Variants in WNT4 observed in about 807,000 individuals in gnomAD.
WNT4 encodes protein Wnt-4.
Under a neutral mutation model 34.5 loss-of-function variants are expected in WNT4, and 16 were observed. That is an observed-to-expected ratio of 0.46 (90% CI 0.31 to 0.70). WNT4 has a LOEUF of 0.70. Among genes scored for constraint, WNT4 ranks in the 30% least tolerant of loss-of-function variants. WNT4 has a pLI of 0.04. For synonymous variants in WNT4, 200 were observed against 211.9 expected, an observed-to-expected ratio of 0.94 and a Z score of 0.49; for missense variants, 379 against 495.9, an observed-to-expected ratio of 0.76 and a Z score of 2.24.
At position 22,129,645 on chromosome 1, in the gene WNT4, A is replaced by G; in HGVS notation, c.284T>C (p.Leu95Ser). ...RRWNCSTLDS[L>S]PVFGKVVTQG... The stretch of plus-strand genomic sequence containing the variant: ...CGTCACCACCTTGCCGAAGACGGGC[A>G]AGGAGTCGAGTGTGGAGCAGTTCCA... Residue 95 changes from leucine (L) to serine (S), a missense_variant, in exon 2 of 5, where the codon TTG (leucine) becomes TCG (serine). Leu to Ser is a moderately radical substitution (Grantham distance 145). Transcript: ENST00000290167. 1 of 1,613,618 alleles carries G rather than the reference A, an allele frequency of 6.2e-7. No individual in the cohort carries two copies. Among genetic ancestry groups the G allele is most frequent in the Non-Finnish European group, 8.5e-7 (1 of 1,179,984 alleles).
intron 1 of WNT4, among the ~76,000 whole-genome samples, chr1:22,141,286 G>GT (rs1318658457): frequency 2.0e-5 from 3 of 152,156 alleles, no homozygotes; most frequent in South Asian, 2.1e-4. Flanking sequence ...TTGTTTGTTT[G>GT]TTTTTTGTGG....
rs1264065222 is a variant in WNT4 at position 22,120,210 on chromosome 1, G to A, written c.896C>T (p.Thr299Met). 1 of 1,614,000 alleles carries A rather than the reference G, an allele frequency of 6.2e-7. No homozygotes were observed. The highest frequency in any genetic ancestry group is 1.1e-5 in the South Asian group (1 of 91,092). Residue 299 changes from threonine to methionine, a missense_variant, in exon 5 of 5, where the codon ACG becomes ATG. Transcript: ENST00000290167. The stretch of plus-strand genomic sequence containing the variant: ...CTCACAGCCGTCGATGGCCTTGGAC[G>A]TCTTGTTGCATGTGCGGCCCCTCGT... ...LGTRGRTCNK[T>M]SKAIDGCELL...
At position 22,137,875 on chromosome 1, in the gene WNT4, C is replaced by T. The variant is rs1646034893; in HGVS notation, c.77+4971G>A. On this transcript the variant is annotated intron_variant, in intron 1 of 4. Coordinates refer to ENST00000290167, the MANE Select transcript of WNT4 (RefSeq NM_030761.5). The surrounding 1 kb of genome is among the most constrained non-coding windows in gnomAD (Gnocchi z 5.3). ...CCACCTCTGTGCCTTTTAGTATCAC[C>T]TGAGCCTCAGGGCAGTGGAGCAGAG... Among the ~76,000 whole-genome samples, 1 of 152,184 alleles carries T rather than the reference C, an allele frequency of 6.6e-6. No homozygotes were observed. Among genetic ancestry groups the T allele is most frequent in the South Asian group, 2.1e-4 (1 of 4,830 alleles).
At position 22,136,001 on chromosome 1, in the gene WNT4, T is replaced by C. The variant is rs201521515; in HGVS notation, c.78-6150A>G. The stretch of plus-strand genomic sequence containing the variant: ...CTCTTGGTTTCCCAATTCTCATTAC[T>C]TCCAGTATCCTGGTACCCTAGCCCC... On this transcript the variant is annotated intron_variant, in intron 1 of 4. Coordinates refer to ENST00000290167, the MANE Select transcript of WNT4 (RefSeq NM_030761.5). Among the ~76,000 whole-genome samples the C allele has an allele frequency of 2.6e-5, 4 of 152,188 alleles. No individual in the cohort carries two copies. In the East Asian group the frequency reaches 7.7e-4, roughly 29 times the overall value.
chr1:22,123,039 A>G (rs1026217818), intron 2 of WNT4, among the ~76,000 whole-genome samples: 4 of 152,218 alleles, frequency 2.6e-5, no homozygotes, highest in African/African-American at 9.6e-5. Context: ...CGAGGTTAAT[A>G]GCAGGATCAT....
chr1:22,121,539 C>G lies in WNT4; in HGVS notation c.351G>C (p.Ser117=), dbSNP rs773452719. 21 of 1,613,934 alleles carry G rather than the reference C, an allele frequency of 1.3e-5. No homozygotes were observed. In the South Asian group the frequency reaches 1.8e-4, roughly 14 times the overall value. The change falls in exon 3 of 5, where the codon TCG becomes TCC. Residue 117 remains serine (S), a synonymous_variant. Transcript: ENST00000290167. ...REAAFVYAIS[S]AGVAFAVTRA... ...GCGTCACTGCAAAGGCCACACCTGC[C>G]GAAGAGATGGCGTACACGAAGGCCG...
Position 22,119,965 on chromosome 1 carries a change from C to T in WNT4, c.*85G>A. The T allele has an allele frequency of 6.6e-7, 1 of 1,504,882 alleles. No homozygotes were observed. 93.2% of individuals were successfully genotyped at this position (1,504,882 alleles called of 1,614,324 possible). A position where few individuals can be genotyped will look rare whatever the true frequency, so the allele number is the denominator to read the frequency against. On this transcript the variant is annotated 3_prime_UTR_variant, in exon 5 of 5. Coordinates refer to ENST00000290167, the MANE Select transcript of WNT4 (RefSeq NM_030761.5). ...AGAACAAAAAATACAACCAGTATCT[C>T]TTGGGGTAGGTGGTGGGAGACTGTT...
chr1:22,132,983 C>A (rs1352029190), intron 1 of WNT4, among the ~76,000 whole-genome samples: 2 of 152,142 alleles, frequency 1.3e-5, no homozygotes, highest in Admixed American at 6.5e-5. Flanking sequence ...TTTCTGCTTG[C>A]CCGTTTCAGT....
chr1:22,132,394 C>T (rs1645991139), intron 1 of WNT4, among the ~76,000 whole-genome samples: 1 of 152,180 alleles, frequency 6.6e-6, no homozygotes, highest in Non-Finnish European at 1.5e-5. Flanking sequence ...CAGCCTCTGA[C>T]CCACCATGAC....
intron 2 of WNT4, among the ~76,000 whole-genome samples, chr1:22,125,689 C>G (rs181073859): frequency 2.5e-3 from 387 of 152,262 alleles, no homozygotes; most frequent in Non-Finnish European, 4.5e-3. Flanking sequence ...CAGGGACTTG[C>G]TCAAGGTCGC....
intron 1 of WNT4, among the ~76,000 whole-genome samples, chr1:22,136,356 C>T (rs746774949): frequency 5.9e-5 from 9 of 152,198 alleles, no homozygotes; most frequent in Non-Finnish European, 1.2e-4. Context: ...GTCCTGTGGC[C>T]ACTGACCCAT....
In WNT4 at chr1:22,142,510, C is replaced by CTGCA. The variant is rs1221419852; in HGVS notation, c.77+332_77+335dup. ...TCAGCGACCTGTCAGCCCGGCTGGACTGCAACCCGCGTCCGGCGCCCCTCC... is the reference window on the plus strand; with the variant it reads ...TCAGCGACCTGTCAGCCCGGCTGGACTGCATGCAACCCGCGTCCGGCGCCCCTCC... On this transcript the variant is annotated intron_variant, in intron 1 of 4. Transcript: ENST00000290167. The surrounding 1 kb of genome is among the most constrained non-coding windows in gnomAD (Gnocchi z 6.0). Among the ~76,000 whole-genome samples, 3 of 152,222 alleles carry CTGCA rather than the reference C, an allele frequency of 2.0e-5. No individual in the cohort carries two copies. Among genetic ancestry groups the CTGCA allele is most frequent in the African/African-American group, 7.2e-5 (3 of 41,468 alleles).
At chr1:22,136,829 C>T (rs954250748) in intron 1 of WNT4, among the ~76,000 whole-genome samples, 1 of 152,164 alleles carries the variant, frequency 6.6e-6, no homozygotes, top group African/African-American at 2.4e-5. Context: ...CTGAGAATCC[C>T]CAAGAACCCC....
intron 1 of WNT4, among the ~76,000 whole-genome samples, chr1:22,130,981 C>T (rs1184219616): frequency 6.6e-6 from 1 of 152,256 alleles, no homozygotes; most frequent in Non-Finnish European, 1.5e-5. Flanking sequence ...AGCCAACCAG[C>T]TGCCATTTAA....
At chr1:22,127,392 C>T (rs772318899) in intron 2 of WNT4, 3 of 533,462 alleles carry the variant, frequency 5.6e-6, no homozygotes, top group South Asian at 2.8e-5. Flanking sequence ...CCCAGGCTAC[C>T]TCCTTCCTTG....
rs369935449 is a variant in WNT4, at chr1:22,120,054, C to T, written c.1052G>A (p.Arg351Gln). The T allele has an allele frequency of 1.6e-5, 26 of 1,606,902 alleles. No homozygotes were observed. The highest frequency in any genetic ancestry group is 1.1e-4 in the African/African-American group (8 of 74,906). Reference protein sequence around the residue: ...CQRLVELHTCR With the variant: ...CQRLVELHTCQ ...GGCGCAGGGCTAGGCAGGCGGTCAT[C>T]GGCACGTGTGCAACTCCACGAGCCG... The change falls in exon 5 of 5, where the codon CGA (arginine) becomes CAA (glutamine). Residue 351 changes from arginine (R) to glutamine (Q), a missense_variant. Around this residue, in one of 2 missense-constraint regions of WNT4, gnomAD observed 313 missense variants for 445.8 expected, o/e 0.70. Transcript: ENST00000290167.
rs886118656 is a variant in WNT4 at position 22,137,361 on chromosome 1, A to T, written c.77+5485T>A. Among the ~76,000 whole-genome samples the T allele has an allele frequency of 2.0e-5, 3 of 152,130 alleles. No individual in the cohort carries two copies. The highest frequency in any genetic ancestry group is 4.4e-5 in the Non-Finnish European group (3 of 68,012). On this transcript the variant is annotated intron_variant, in intron 1 of 4. Coordinates refer to ENST00000290167, the MANE Select transcript of WNT4 (RefSeq NM_030761.5). This position sits in a 1 kb window ranked among gnomAD's most constrained non-coding sequence, Gnocchi z 5.3. ...AACTCCTGTGGAAATCTGGAGAGCA[A>T]CCCTGGGGTCGCAGCTCTGCCTGCA...
In WNT4 at chr1:22,142,599, G is replaced by A. The variant is rs1480140370; in HGVS notation, c.77+247C>T. On this transcript the variant is annotated intron_variant, in intron 1 of 4. Transcript: ENST00000290167. The surrounding 1 kb of genome is among the most constrained non-coding windows in gnomAD (Gnocchi z 6.0). ...AGAGCCCCGAGCCGCCTACCGGTGC[G>A]GACGCCGCCACAGCCACCCCTGACG... 6.6e-6 allele frequency among the ~76,000 whole-genome samples: 1 copy of A among 151,786 alleles called. No homozygotes were observed. The highest frequency in any genetic ancestry group is 1.9e-4 in the East Asian group (1 of 5,146).
rs866050953 is a variant in WNT4 at position 22,134,851 on chromosome 1, G to T, written c.78-5000C>A. Among the ~76,000 whole-genome samples the T allele has an allele frequency of 6.6e-6, 1 of 152,064 alleles. No individual in the cohort carries two copies. The highest frequency in any genetic ancestry group is 1.5e-5 in the Non-Finnish European group (1 of 68,028). On this transcript the variant is annotated intron_variant, in intron 1 of 4. Transcript: ENST00000290167. This position sits in a 1 kb window ranked among gnomAD's most constrained non-coding sequence, Gnocchi z 4.1. ...CTGACTTCTGCTCATTTGTGTGTGT[G>T]TTTTTTTGCTTGGGTCTCTTGGCCC... is the stretch of plus-strand genomic sequence containing the variant.
Sources: allele counts gnomAD v4.1 joint callset (sites outside exome capture counted in the v4.1 genomes callset), GRCh38; gene constraint gnomAD v4.1.1; regional missense constraint gnomAD v4.1.1; non-coding constraint Gnocchi (gnomAD v3.1); transcripts MANE v1.5; gene names NCBI Gene and HGNC (gene_info 2026-07-23, HGNC 2026-07-21).